CGGBP1: variants seen among roughly 807,000 people sequenced by gnomAD.
CGGBP1 encodes the protein CGG triplet repeat-binding protein 1.
CGGBP1 carries 4 observed loss-of-function variants against 11.4 expected under a neutral mutation model. The observed-to-expected ratio is 0.35, with a 90% CI of 0.17 to 0.80. CGGBP1 has a LOEUF of 0.80. Ranked by LOEUF, CGGBP1 falls within the 30% of genes least tolerant of loss-of-function variation. CGGBP1 has a pLI of 0.52. For synonymous variants in CGGBP1, 76 were observed against 74.1 expected, an observed-to-expected ratio of 1.03 and a Z score of -0.13; for missense variants, 135 against 202.1, an observed-to-expected ratio of 0.67 and a Z score of 2.01.
intron 2 of CGGBP1, chr3:88,129,682 T>C: frequency 6.8e-7 from 1 of 1,463,574 alleles, no homozygotes; most frequent in Non-Finnish European, 9.1e-7. Context: ...CTTTTCCTCT[T>C]ACAGCATTTA....
chr3:88,128,645 A>T (rs1187647182), intron 2 of CGGBP1, among the ~76,000 whole-genome samples: 1 of 152,106 alleles, frequency 6.6e-6, no homozygotes, highest in African/African-American at 2.4e-5. Flanking sequence ...CCTTTTTCCA[A>T]CCATATAACT....
At chr3:88,077,181 A>G (rs1240448187) in intron 2 of CGGBP1, among the ~76,000 whole-genome samples, 2 of 152,128 alleles carry the variant, frequency 1.3e-5, no homozygotes, top group Non-Finnish European at 2.9e-5. Flanking sequence ...TAAGAATCAG[A>G]ATAGGGGAGG....
At chr3:88,145,299 TTGATG>T (rs1369727903) in intron 1 of CGGBP1, among the ~76,000 whole-genome samples, 3 of 152,098 alleles carry the variant, frequency 2.0e-5, no homozygotes, top group Non-Finnish European at 4.4e-5. Context: ...AAAAAAACTT[TTGATG>T]TGATGAGACC....
rs140069657 is a variant in CGGBP1 at position 88,138,556 on chromosome 3, T to C, written c.-229+2414A>G. 5.5e-3 allele frequency: 2,399 copies of C among 432,948 alleles called. 56 individuals are homozygous for C. The highest frequency in any genetic ancestry group is 2.5e-3 in the Non-Finnish European group (637 of 259,010). 26.8% of individuals were successfully genotyped at this position (432,948 alleles called of 1,614,324 possible). ...GAGAAAGGTATATATTTAAAAGAGT[T>C]AAACAAGGCTACTAAATATGGAAAA... On this transcript the variant is annotated intron_variant, in intron 2 of 3. Coordinates refer to the CGGBP1 transcript ENST00000462901.
At chr3:88,138,560 C>G in intron 2 of CGGBP1, 1 of 437,472 alleles carries the variant, frequency 2.3e-6, no homozygotes, top group Non-Finnish European at 3.8e-6. Context: ...AAGAGTTAAA[C>G]AAGGCTACTA....
At chr3:88,138,666 GAAA>G in intron 2 of CGGBP1, 1 of 1,191,056 alleles carries the variant, frequency 8.4e-7, no homozygotes, top group African/African-American at 1.6e-5. Context: ...CATTTTTTTG[GAAA>G]AAAAGTATTT....
intron 2 of CGGBP1, among the ~76,000 whole-genome samples, chr3:88,087,472 A>C (rs1176921099): frequency 1.3e-5 from 2 of 152,194 alleles, no homozygotes; most frequent in African/African-American, 2.4e-5. Context: ...CTAAGAACCC[A>C]CTAAAATTAT....
intron 2 of CGGBP1, among the ~76,000 whole-genome samples, chr3:88,124,615 C>T (rs770317231): frequency 6.6e-6 from 1 of 152,108 alleles, no homozygotes; most frequent in African/African-American, 2.4e-5. Context: ...AATATGTAGC[C>T]TTGATTCATC....
intron 2 of CGGBP1, among the ~76,000 whole-genome samples, chr3:88,123,066 C>G (rs1220064133): frequency 1.3e-5 from 2 of 151,058 alleles, no homozygotes; most frequent in Non-Finnish European, 3.0e-5. Context: ...GTATATATAC[C>G]CTAGGAGAGA....
At chr3:88,091,905 C>T (rs1422388323) in intron 2 of CGGBP1, among the ~76,000 whole-genome samples, 1 of 152,160 alleles carries the variant, frequency 6.6e-6, no homozygotes, top group Admixed American at 6.5e-5. Flanking sequence ...ATGACCCAGT[C>T]TCGGGTATTT....
chr3:88,109,942 A>C (rs1031877112), intron 2 of CGGBP1, among the ~76,000 whole-genome samples: 1 of 152,192 alleles, frequency 6.6e-6, no homozygotes, highest in Non-Finnish European at 1.5e-5. Flanking sequence ...ATTTTTAAAA[A>C]AATCTTCATA....
rs528735666 is a variant in CGGBP1, at chr3:88,138,839, C to T, written c.-229+2131G>A. The stretch of plus-strand genomic sequence containing the variant: ...ATTTTTTGCCAAATGATTTGGAGAT[C>T]CTCAGGATTTGTGCACTCTCAATAT... On this transcript the variant is annotated intron_variant, in intron 2 of 3. Transcript: ENST00000462901. The T allele has an allele frequency of 6.5e-6, 8 of 1,231,906 alleles. No homozygotes were observed. The African/African-American group carries it at 1.1e-4, about 17-fold the overall frequency. The allele number at this position is 1,231,906 out of a possible 1,614,324, so 76.3% of individuals were successfully genotyped here. A position where few individuals can be genotyped will look rare whatever the true frequency, so the allele number is the denominator to read the frequency against.
chr3:88,139,769 TGAG>T (rs1325220367), intron 2 of CGGBP1: 2 of 1,554,482 alleles, frequency 1.3e-6, no homozygotes, highest in Non-Finnish European at 8.7e-7. Context: ...GGGATGATTA[TGAG>T]GAGGAAGAGG....
upstream of CGGBP1, among the ~76,000 whole-genome samples, chr3:88,060,725 G>T (rs1006599617): frequency 1.3e-5 from 2 of 152,140 alleles, no homozygotes; most frequent in African/African-American, 4.8e-5. Context: ...AAGTTAATGA[G>T]AAATGGACAT....
chr3:88,141,062 C>A, exon 2 of CGGBP1: 1 of 1,575,148 alleles, frequency 6.3e-7, no homozygotes, highest in Non-Finnish European at 8.6e-7. Context: ...AGTCTTCTGT[C>A]TTCTTAGTAG....
At chr3:88,141,203 C>A in intron 1 of CGGBP1, 1 of 812,730 alleles carries the variant, frequency 1.2e-6, no homozygotes, top group Non-Finnish European at 1.8e-6. Flanking sequence ...TACATACAAC[C>A]ACTATGAGGT....
At chr3:88,116,221 T>G (rs181629637) in intron 2 of CGGBP1, among the ~76,000 whole-genome samples, 4 of 152,044 alleles carry the variant, frequency 2.6e-5, no homozygotes, top group Admixed American at 2.0e-4. Flanking sequence ...TATACCCACA[T>G]TAAAAATAAG....
At chr3:88,061,132 C>T (rs1199055095), upstream of CGGBP1, among the ~76,000 whole-genome samples, 3 of 152,034 alleles carry the variant, frequency 2.0e-5, no homozygotes, top group Admixed American at 1.3e-4. Flanking sequence ...CTAGAAACCA[C>T]GCTATTGGTA....
chr3:88,114,063 C>G (rs2107770787), intron 2 of CGGBP1, among the ~76,000 whole-genome samples: 1 of 152,186 alleles, frequency 6.6e-6, no homozygotes, highest in Non-Finnish European at 1.5e-5. Context: ...TATTGAGTCC[C>G]CACAGTGTGC....
Sources: allele counts gnomAD v4.1 joint callset (sites outside exome capture counted in the v4.1 genomes callset), GRCh38; gene constraint gnomAD v4.1.1; transcripts MANE v1.5; gene names NCBI Gene and HGNC (gene_info 2026-07-23, HGNC 2026-07-21).